The following RANBP2 variants were observed in gnomAD, a reference collection of about 807,000 sequenced individuals.
RANBP2 encodes E3 SUMO-protein ligase RanBP2.
RANBP2 carries 57 observed loss-of-function variants against 303.6 expected under a neutral mutation model. The ratio of observed to expected loss-of-function variants is 0.19; its 90% confidence interval spans 0.15 to 0.23. The LOEUF is 0.23. RANBP2 is among the 10% of genes least tolerant of loss of function. RANBP2 has a pLI of 1.00. For missense variants in RANBP2, 3,138 were observed against 3,780.8 expected (o/e 0.83, Z 4.46); for synonymous variants, 1,167 against 1,301.5 (o/e 0.90, Z 2.23).
At chr2:109,136,842 C>T in the RANBP2 span, among the ~76,000 whole-genome samples, 1 of 152,162 alleles carries the variant, frequency 6.6e-6, no homozygotes, top group Admixed American at 6.5e-5. Context: ...CATGCTTGCA[C>T]CGGGGCACCT....
the RANBP2 span, among the ~76,000 whole-genome samples, chr2:109,020,126 A>T: frequency 6.6e-6 from 1 of 152,222 alleles, no homozygotes; most frequent in Non-Finnish European, 1.5e-5. Context: ...CACTGTTAAT[A>T]CTGGAATGAG....
At chr2:109,669,705 C>T in the RANBP2 span, among the ~76,000 whole-genome samples, 3 of 152,184 alleles carry the variant, frequency 2.0e-5, no homozygotes, top group African/African-American at 7.2e-5. Context: ...AAGGTTCTGA[C>T]AACCCTCACC....
At position 108,765,265 on chromosome 2, in the gene RANBP2, A is replaced by G. The variant is rs74821091; in HGVS notation, c.4726A>G (p.Thr1576Ala). The G allele has an allele frequency of 3.1e-6, 5 of 1,613,958 alleles. No individual in the cohort carries two copies. Among genetic ancestry groups the G allele is most frequent in the South Asian group, 1.1e-5 (1 of 91,090 alleles). The part of the protein sequence containing the change: ...CQNPDKPSPS[T>A]SVPAPASFKF... ...GAATCCGGATAAACCAAGTCCATCT[A>G]CTTCTGTTCCAGCTCCTGCCTCTTT... is the stretch of plus-strand genomic sequence containing the variant. Residue 1576 changes from threonine to alanine, a missense_variant, in exon 20 of 29, where the codon ACT (threonine) becomes GCT (alanine). By Grantham distance (58) the Thr-to-Ala change is moderately conservative. Transcript: ENST00000283195.
chr2:109,525,788 G>A, the RANBP2 span, among the ~76,000 whole-genome samples: 63 of 152,160 alleles, frequency 4.1e-4, no homozygotes, highest in Non-Finnish European at 8.5e-4. Flanking sequence ...TTTCCTACTT[G>A]CACTTCCTAC....
the RANBP2 span, chr2:109,585,760 A>C: frequency 6.2e-7 from 1 of 1,613,850 alleles, no homozygotes; most frequent in East Asian, 2.2e-5. Flanking sequence ...TGCTGAATGG[A>C]TCTGTTCACC....
At chr2:109,102,850 C>A in the RANBP2 span, among the ~76,000 whole-genome samples, 1 of 152,214 alleles carries the variant, frequency 6.6e-6, no homozygotes, top group South Asian at 2.1e-4. Context: ...GCTGAGAGAA[C>A]AAATGTATTG....
At chr2:109,673,642 T>C in the RANBP2 span, among the ~76,000 whole-genome samples, 2 of 151,988 alleles carry the variant, frequency 1.3e-5, no homozygotes, top group Non-Finnish European at 2.9e-5. Flanking sequence ...GGCAGGTGGA[T>C]CACCTGAGGT....
At chr2:109,737,877 T>C in the RANBP2 span, among the ~76,000 whole-genome samples, 1 of 152,242 alleles carries the variant, frequency 6.6e-6, no homozygotes, top group African/African-American at 2.4e-5. Context: ...GTAGATCTTT[T>C]GAGAAATGTC....
chr2:109,207,462 A>G, the RANBP2 span, among the ~76,000 whole-genome samples: 53 of 152,328 alleles, frequency 3.5e-4, no homozygotes, highest in African/African-American at 1.3e-3. Flanking sequence ...GTAGGTAATT[A>G]TATATGTAAT....
chr2:109,059,515 G>T, the RANBP2 span, among the ~76,000 whole-genome samples: 1 of 151,866 alleles, frequency 6.6e-6, no homozygotes, highest in East Asian at 1.9e-4. Flanking sequence ...GGCAGAGCTT[G>T]CACTGAGCTG....
At chr2:109,263,125 C>A in the RANBP2 span, among the ~76,000 whole-genome samples, 1 of 152,306 alleles carries the variant, frequency 6.6e-6, no homozygotes, top group Middle Eastern at 3.4e-3. Context: ...GGATTATAGG[C>A]GTGAGCCACC....
chr2:109,077,415 G>T, the RANBP2 span, among the ~76,000 whole-genome samples: 1 of 150,138 alleles, frequency 6.7e-6, no homozygotes, highest in African/African-American at 2.4e-5. Context: ...GATTTTTTTG[G>T]ATATAACACC....
the RANBP2 span, chr2:108,895,118 T>C: frequency 6.6e-6 from 1 of 152,654 alleles, no homozygotes; most frequent in Non-Finnish European, 1.5e-5. Flanking sequence ...GCTTGCAGGG[T>C]AAACCAAATA....
chr2:109,157,556 A>G, the RANBP2 span, among the ~76,000 whole-genome samples: 2 of 152,202 alleles, frequency 1.3e-5, no homozygotes, highest in African/African-American at 2.4e-5. Flanking sequence ...ATGAGGAAAA[A>G]GATTTCCTTG....
chr2:109,278,168 C>T, the RANBP2 span, among the ~76,000 whole-genome samples: 1 of 142,618 alleles, frequency 7.0e-6, no homozygotes, highest in Non-Finnish European at 1.6e-5. Flanking sequence ...TAGAGCAAGA[C>T]CCAATCTTAA....
At chr2:109,735,658 A>G in the RANBP2 span, among the ~76,000 whole-genome samples, 1 of 152,188 alleles carries the variant, frequency 6.6e-6, no homozygotes, top group African/African-American at 2.4e-5. Flanking sequence ...CTTAAATGCT[A>G]ACTTCAGCCC....
the RANBP2 span, among the ~76,000 whole-genome samples, chr2:109,637,348 T>C: frequency 6.6e-6 from 1 of 152,188 alleles, no homozygotes; most frequent in Admixed American, 6.5e-5. Context: ...CAGGAGACAG[T>C]GGCCTTCCTC....
the RANBP2 span, among the ~76,000 whole-genome samples, chr2:109,102,473 G>A: frequency 3.3e-5 from 5 of 151,704 alleles, no homozygotes; most frequent in African/African-American, 1.2e-4. Flanking sequence ...TAAAATAAAA[G>A]CATCGCAGAA....
At chr2:109,322,816 A>C in the RANBP2 span, among the ~76,000 whole-genome samples, 69 of 152,368 alleles carry the variant, frequency 4.5e-4, no homozygotes, top group East Asian at 0.012. Flanking sequence ...TGGTGCCTGC[A>C]AATCTCCCCA....
Sources: allele counts gnomAD v4.1 joint callset (sites outside exome capture counted in the v4.1 genomes callset), GRCh38; gene constraint gnomAD v4.1.1; transcripts MANE v1.5; gene names NCBI Gene and HGNC (gene_info 2026-07-23, HGNC 2026-07-21).